PBX3: variants seen among roughly 807,000 people sequenced by gnomAD.
PBX3 encodes the protein PBX homeobox 3.
A neutral mutation model predicts 48.5 loss-of-function variants in PBX3; 14 were observed. The observed-to-expected ratio is 0.29, with a 90% confidence interval of 0.19 to 0.45. PBX3 has a LOEUF of 0.45. Among genes scored for constraint, PBX3 ranks in the 20% least tolerant of loss-of-function variants. PBX3 has a pLI of 1.00. For synonymous variants in PBX3, 210 were observed against 200.3 expected, an observed-to-expected ratio of 1.05 and a Z score of -0.41; for missense variants, 386 against 546.7, an observed-to-expected ratio of 0.71 and a Z score of 2.93.
At chr9:125,888,101 G>A (rs188175807) in intron 2 of PBX3, among the ~76,000 whole-genome samples, 37 of 152,264 alleles carry the variant, frequency 2.4e-4, no homozygotes, top group Non-Finnish European at 1.5e-5. Context: ...AGGAATATGT[G>A]CATTTAGACG....
chr9:125,802,823 T>C (rs1442962084), intron 2 of PBX3, among the ~76,000 whole-genome samples: 1 of 151,414 alleles, frequency 6.6e-6, no homozygotes, highest in Non-Finnish European at 1.5e-5. Flanking sequence ...GGATTACAGG[T>C]GCATGCCACC....
At chr9:125,827,548 T>C (rs1838843420) in intron 2 of PBX3, among the ~76,000 whole-genome samples, 1 of 152,186 alleles carries the variant, frequency 6.6e-6, no homozygotes, top group Non-Finnish European at 1.5e-5. Flanking sequence ...TGTGTATATA[T>C]ACACATATGT....
intron 2 of PBX3, among the ~76,000 whole-genome samples, chr9:125,789,050 C>CT (rs1837532195): frequency 6.6e-6 from 1 of 152,034 alleles, no homozygotes; most frequent in African/African-American, 2.4e-5. Flanking sequence ...CTATGATTTG[C>CT]TTTCACTCAA....
intron 6 of PBX3, among the ~76,000 whole-genome samples, chr9:125,961,539 C>T (rs1007479387): frequency 3.9e-5 from 6 of 152,156 alleles, no homozygotes; most frequent in Admixed American, 2.0e-4. Context: ...ATTCCAGGGG[C>T]GTTTCTGAGA....
intron 2 of PBX3, among the ~76,000 whole-genome samples, chr9:125,833,013 G>A (rs532199593): frequency 6.6e-6 from 1 of 152,218 alleles, no homozygotes; most frequent in South Asian, 2.1e-4. Context: ...ATGTCATTTC[G>A]GGAAGTTCCA....
intron 2 of PBX3, among the ~76,000 whole-genome samples, chr9:125,788,874 CA>C (rs199772154): frequency 0.022 from 3,092 of 138,912 alleles, 164 homozygotes; most frequent in East Asian, 0.18. Flanking sequence ...GACTCCATCT[CA>C]AAAAAAAAAA....
chr9:125,837,026 T>G (rs1177925154), intron 2 of PBX3, among the ~76,000 whole-genome samples: 1 of 152,248 alleles, frequency 6.6e-6, no homozygotes, highest in African/African-American at 2.4e-5. Context: ...ATTGCAATTC[T>G]TGGCATTTAG....
At chr9:125,857,772 C>T (rs1470945160) in intron 2 of PBX3, among the ~76,000 whole-genome samples, 1 of 152,052 alleles carries the variant, frequency 6.6e-6, no homozygotes, top group Non-Finnish European at 1.5e-5. Flanking sequence ...TTTTCAATTA[C>T]TTAGGAAGAA....
chr9:125,835,443 G>A (rs1839104642), intron 2 of PBX3, among the ~76,000 whole-genome samples: 2 of 151,920 alleles, frequency 1.3e-5, no homozygotes, highest in Non-Finnish European at 2.9e-5. Flanking sequence ...TACAGAATGG[G>A]AGAAAGTATT....
At chr9:125,918,140 G>A (rs575685369) in intron 3 of PBX3, among the ~76,000 whole-genome samples, 1 of 152,120 alleles carries the variant, frequency 6.6e-6, no homozygotes, top group South Asian at 2.1e-4. Context: ...GAGGCCAAAT[G>A]GCCTGAGTTT....
At chr9:125,955,934 C>T (rs531606676) in intron 5 of PBX3, among the ~76,000 whole-genome samples, 2 of 152,300 alleles carry the variant, frequency 1.3e-5, no homozygotes, top group South Asian at 4.2e-4. Flanking sequence ...AGCAGATGCT[C>T]GGTAAGCATT....
At chr9:125,834,319 A>T (rs1839055709) in intron 2 of PBX3, among the ~76,000 whole-genome samples, 1 of 152,158 alleles carries the variant, frequency 6.6e-6, no homozygotes, top group South Asian at 2.1e-4. Context: ...TAAAGATGTC[A>T]CCTTTCAACA....
intron 2 of PBX3, among the ~76,000 whole-genome samples, chr9:125,756,251 AT>A (rs1178403412): frequency 6.6e-6 from 1 of 152,148 alleles, no homozygotes; most frequent in Non-Finnish European, 1.5e-5. Context: ...GGAAGATGGA[AT>A]TTCATACTGG....
intron 2 of PBX3, among the ~76,000 whole-genome samples, chr9:125,835,440 T>A (rs189376465): frequency 1.3e-5 from 2 of 152,000 alleles, no homozygotes; most frequent in Non-Finnish European, 2.9e-5. Context: ...ACCTACAGAA[T>A]GGGAGAAAGT....
At chr9:125,748,903 A>C in intron 2 of PBX3, 1 of 321,592 alleles carries the variant, frequency 3.1e-6, no homozygotes, top group Non-Finnish European at 5.9e-6. Context: ...CCGGAGCGCC[A>C]GCCGCCCTCT....
At chr9:125,783,607 A>C (rs1365949685) in intron 2 of PBX3, among the ~76,000 whole-genome samples, 1 of 151,956 alleles carries the variant, frequency 6.6e-6, no homozygotes, top group Admixed American at 6.6e-5. Context: ...TGCAGTTTTA[A>C]TCTCTTTGCT....
At chr9:125,949,110 C>A (rs1342277206) in intron 5 of PBX3, among the ~76,000 whole-genome samples, 1 of 152,204 alleles carries the variant, frequency 6.6e-6, no homozygotes, top group East Asian at 1.9e-4. Flanking sequence ...ACTTTAACTT[C>A]AGATGACTGT....
At chr9:125,812,701 C>CAT (rs1838328062) in intron 2 of PBX3, among the ~76,000 whole-genome samples, 1 of 152,218 alleles carries the variant, frequency 6.6e-6, no homozygotes, top group African/African-American at 2.4e-5. Flanking sequence ...GTGAGAACAT[C>CAT]ATACAGTGTT....
chr9:125,784,229 A>G (rs1366135180), intron 2 of PBX3, among the ~76,000 whole-genome samples: 3 of 152,056 alleles, frequency 2.0e-5, no homozygotes, highest in African/African-American at 4.8e-5. Flanking sequence ...CCCTGGTTCA[A>G]GTGATTCTTG....
Sources: gnomAD v4.1 joint callset for allele counts (sites outside exome capture counted in the v4.1 genomes callset) on GRCh38, gnomAD v4.1.1 for gene constraint, MANE v1.5 for transcripts, NCBI Gene and HGNC (gene_info 2026-07-23, HGNC 2026-07-21) for gene names.